The following RBFOX1 variants were observed in gnomAD, a reference collection of about 807,000 sequenced individuals.
RBFOX1 encodes the protein RNA binding protein fox-1 homolog 1.
Under a neutral mutation model 57.7 loss-of-function variants are expected in RBFOX1, and 8 were observed. The observed-to-expected ratio is 0.14, with a 90% CI of 0.08 to 0.25. The LOEUF (loss-of-function observed/expected upper bound fraction) is 0.25. Ranked by LOEUF, RBFOX1 falls within the 10% of genes least tolerant of loss-of-function variation. The pLI, the probability that RBFOX1 is intolerant of heterozygous loss-of-function variation, is 1.00. For missense variants in RBFOX1, 611 were observed against 548.5 expected (o/e 1.11, Z -1.14); for synonymous variants, 326 against 222.4 (o/e 1.47, Z -4.15).
chr16:6,792,344 C>A (rs2083131554), intron 3 of RBFOX1, among the ~76,000 whole-genome samples: 1 of 152,140 alleles, frequency 6.6e-6, no homozygotes, highest in African/African-American at 2.4e-5. Context: ...CAAGTCCTTT[C>A]AGCATTTTAG....
downstream of RBFOX1, among the ~76,000 whole-genome samples, chr16:5,602,023 A>T (rs1000249608): frequency 3.9e-5 from 6 of 152,128 alleles, no homozygotes; most frequent in African/African-American, 1.4e-4. Flanking sequence ...GTTTGCAGAG[A>T]TTCAGGCTGT....
At chr16:5,968,469 C>G (rs945712073) in intron 4 of RBFOX1, among the ~76,000 whole-genome samples, 1 of 152,170 alleles carries the variant, frequency 6.6e-6, no homozygotes, top group East Asian at 1.9e-4. Context: ...GTGTAGGTGA[C>G]TTGTGTTGGA....
intron 7 of RBFOX1, among the ~76,000 whole-genome samples, chr16:7,594,794 A>G (rs979653661): frequency 4.6e-5 from 7 of 152,222 alleles, no homozygotes; most frequent in Admixed American, 1.3e-4. Context: ...TGGTTAACAA[A>G]GTAGGATGGA....
At chr16:6,179,035 A>G (rs1598108307) in intron 1 of RBFOX1, among the ~76,000 whole-genome samples, 1 of 152,348 alleles carries the variant, frequency 6.6e-6, no homozygotes, top group South Asian at 2.1e-4. Context: ...GGAGACCATC[A>G]TGGGCTGAAC....
At chr16:7,461,551 T>A (rs4522436) in intron 4 of RBFOX1, among the ~76,000 whole-genome samples, 1 of 152,196 alleles carries the variant, frequency 6.6e-6, no homozygotes, top group African/African-American at 2.4e-5. Context: ...GTATTTCAGA[T>A]ACCCTCCAAG....
intron 4 of RBFOX1, among the ~76,000 whole-genome samples, chr16:7,108,590 G>C (rs954933122): frequency 6.6e-6 from 1 of 152,116 alleles, no homozygotes; most frequent in Non-Finnish European, 1.5e-5. Context: ...GTATGGTTCA[G>C]TGGGATTTGT....
At chr16:6,832,473 G>A (rs11866016) in intron 3 of RBFOX1, among the ~76,000 whole-genome samples, 57,865 of 152,004 alleles carry the variant, frequency 0.38, 12,207 homozygotes, top group East Asian at 0.65. Context: ...GTGGTTGACT[G>A]AAATGAAATG....
At chr16:7,423,871 A>G (rs2098574978) in intron 4 of RBFOX1, among the ~76,000 whole-genome samples, 1 of 152,154 alleles carries the variant, frequency 6.6e-6, no homozygotes, top group South Asian at 2.1e-4. Flanking sequence ...TGCATTATGC[A>G]CATGAGCTGT....
intron 2 of RBFOX1, among the ~76,000 whole-genome samples, chr16:6,566,787 G>A (rs1021270193): frequency 6.6e-6 from 1 of 152,128 alleles, no homozygotes; most frequent in Admixed American, 6.5e-5. Flanking sequence ...TTTGCTTACT[G>A]TTTTAATAAA....
At chr16:5,438,704 C>T (rs982923656) in intron 1 of RBFOX1, among the ~76,000 whole-genome samples, 8 of 152,202 alleles carry the variant, frequency 5.3e-5, no homozygotes, top group South Asian at 2.1e-4. Context: ...TGGAGCACAC[C>T]CCTTCCTCCC....
chr16:6,430,750 T>C (rs1486594936), intron 2 of RBFOX1, among the ~76,000 whole-genome samples: 2 of 151,868 alleles, frequency 1.3e-5, no homozygotes, highest in Admixed American at 6.6e-5. Flanking sequence ...GGCAACAAGG[T>C]TCTATTTGCA....
chr16:7,075,790 C>T (rs577148368), intron 4 of RBFOX1, among the ~76,000 whole-genome samples: 23 of 152,246 alleles, frequency 1.5e-4, no homozygotes, highest in African/African-American at 5.5e-4. Context: ...CCGTTTTAGC[C>T]AGGATGGTCT....
At chr16:6,389,687 T>C (rs1303319521) in intron 2 of RBFOX1, among the ~76,000 whole-genome samples, 1 of 152,216 alleles carries the variant, frequency 6.6e-6, no homozygotes, top group Admixed American at 6.5e-5. Flanking sequence ...TTCTCAGTGC[T>C]AATCAATGAC....
chr16:7,639,437 T>C (rs1326160872), intron 11 of RBFOX1, among the ~76,000 whole-genome samples: 1 of 152,220 alleles, frequency 6.6e-6, no homozygotes, highest in African/African-American at 2.4e-5. Context: ...TTTAGTCCTT[T>C]GATCGGAGAG....
rs1028068025 is a variant in RBFOX1 at position 6,225,814 on chromosome 16, A to C, written c.-126-91181A>C. The stretch of plus-strand genomic sequence containing the variant: ...CTACTAGCCTAGGAGACATGACTGA[A>C]GTGTGAATGCAGTGTGCAACATCTT... On this transcript the variant is annotated intron_variant, in intron 1 of 15. Transcript: ENST00000550418. Among the ~76,000 whole-genome samples the C allele has an allele frequency of 2.6e-5, 4 of 152,316 alleles. No homozygotes were observed. In the East Asian group the frequency reaches 7.7e-4, roughly 29 times the overall value.
intron 4 of RBFOX1, among the ~76,000 whole-genome samples, chr16:7,395,350 A>C (rs1003021856): frequency 6.6e-6 from 1 of 152,234 alleles, no homozygotes; most frequent in African/African-American, 2.4e-5. Flanking sequence ...GATGATTGAA[A>C]TTATTTCTTA....
At chr16:5,259,879 A>G (rs1567246448) in intron 1 of RBFOX1, among the ~76,000 whole-genome samples, 1 of 152,000 alleles carries the variant, frequency 6.6e-6, no homozygotes, top group Non-Finnish European at 1.5e-5. Context: ...ACTTCTGCGG[A>G]GTGGGTATGA....
intron 2 of RBFOX1, among the ~76,000 whole-genome samples, chr16:6,527,028 GTTA>G (rs2096590269): frequency 2.6e-5 from 4 of 151,816 alleles, no homozygotes; most frequent in Admixed American, 6.6e-5. Context: ...GCTTTTAAAC[GTTA>G]TTATTAGCCG....
intron 5 of RBFOX1, among the ~76,000 whole-genome samples, chr16:7,525,526 A>T (rs1423777806): frequency 6.6e-6 from 1 of 152,102 alleles, no homozygotes; most frequent in Admixed American, 6.6e-5. Flanking sequence ...ACCGATTTGC[A>T]CCCTCATGGA....
Sources: gnomAD v4.1 joint callset for allele counts (sites outside exome capture counted in the v4.1 genomes callset) on GRCh38, gnomAD v4.1.1 for gene constraint, MANE v1.5 for transcripts, NCBI Gene and HGNC (gene_info 2026-07-23, HGNC 2026-07-21) for gene names.